SERHL2: variants seen among roughly 807,000 people sequenced by gnomAD.
SERHL2 encodes serine hydrolase-like protein 2.
Under a neutral mutation model 25.5 loss-of-function variants are expected in SERHL2, and 29 were observed. The ratio of observed to expected loss-of-function variants is 1.14; its 90% CI spans 0.85 to 1.55. The LOEUF (loss-of-function observed/expected upper bound fraction) is 1.55, where lower values mean the gene tolerates loss of function less well. SERHL2 is among the 40% of genes most tolerant of loss of function. SERHL2 has a pLI of 0.00. For missense variants in SERHL2, 240 were observed against 252.3 expected (o/e 0.95, Z 0.33); for synonymous variants, 95 against 103.5 (o/e 0.92, Z 0.50).
intron 6 of SERHL2, among the ~76,000 whole-genome samples, chr22:42,556,918 C>A (rs1391058028): frequency 2.9e-5 from 2 of 69,020 alleles, no homozygotes; most frequent in Non-Finnish European, 5.2e-5. Context: ...ACAGCTGGGC[C>A]GGCACACTGC....
rs750428279 is a variant in SERHL2, at chr22:42,565,199, GCA to G, written c.614-1102_614-1101del. 101 of 153,232 alleles carry G rather than the reference GCA, an allele frequency of 6.6e-4. 4 individuals carry two copies. The highest frequency in any genetic ancestry group is 9.7e-4 in the Non-Finnish European group (66 of 68,078). 9.5% of individuals were successfully genotyped at this position (153,232 alleles called of 1,614,324 possible). On this transcript the variant is annotated intron_variant, in intron 8 of 11. Coordinates refer to ENST00000327678, the MANE Select transcript of SERHL2 (RefSeq NM_014509.5). ...GGATGGTCGTCCTCTTCGACCGAGT[GCA>G]CAGTTTCGGGAGGGACGCACATGGA...
chr22:42,565,863 T>C (rs1422161729), intron 8 of SERHL2, among the ~76,000 whole-genome samples: 1 of 151,806 alleles, frequency 6.6e-6, no homozygotes, highest in Non-Finnish European at 1.5e-5. Flanking sequence ...GGTTTTTGTT[T>C]GATTTTTTGA....
At chr22:42,564,585 CCAT>C (rs989278879) in intron 8 of SERHL2, among the ~76,000 whole-genome samples, 90 of 151,802 alleles carry the variant, frequency 5.9e-4, no homozygotes, top group African/African-American at 2.0e-3. Context: ...GTGCCCACCA[CCAT>C]GCCTGGCTAA....
rs544464644 is a variant in SERHL2, at chr22:42,563,608, T to G, written c.614-2696T>G. On this transcript the variant is annotated intron_variant, in intron 8 of 11. Coordinates refer to ENST00000327678, the MANE Select transcript of SERHL2 (RefSeq NM_014509.5). ...AGCTGGACTGCATACAGGTTGCAGA[T>G]AATAATTTGTTTAACTTGTGCAGTT... The G allele has an allele frequency of 3.3e-5, 6 of 179,682 alleles. No individual in the cohort carries two copies. The South Asian group carries it at 4.3e-4, about 13-fold the overall frequency. The allele number at this position is 179,682 out of a possible 1,614,324, so 11.1% of individuals were successfully genotyped here.
At chr22:42,562,666 C>G (rs555964239) in intron 8 of SERHL2, among the ~76,000 whole-genome samples, 1 of 151,846 alleles carries the variant, frequency 6.6e-6, no homozygotes, top group African/African-American at 2.4e-5. Context: ...AGTGAAGGTA[C>G]GGGAGCTGCT....
chr22:42,560,639 C>G (rs1316127600), intron 8 of SERHL2, among the ~76,000 whole-genome samples: 2 of 151,958 alleles, frequency 1.3e-5, no homozygotes, highest in African/African-American at 2.4e-5. Flanking sequence ...AGAGGCTTTT[C>G]ACAATGGAGA....
chr22:42,566,724 A>AGCTCGGT, intron 9 of SERHL2, among the ~76,000 whole-genome samples: 1 of 152,200 alleles, frequency 6.6e-6, no homozygotes, highest in East Asian at 1.9e-4. Context: ...GCTCGAAGTC[A>AGCTCGGT]GCTCGGTGCA....
chr22:42,567,345 CTTTTT>C (rs898384975), intron 9 of SERHL2, among the ~76,000 whole-genome samples: 2 of 150,276 alleles, frequency 1.3e-5, no homozygotes, highest in African/African-American at 5.0e-5. Flanking sequence ...ATTTTCTTTT[CTTTTT>C]TTCTTTTTTG....
intron 10 of SERHL2, chr22:42,571,582 G>T (rs939799920): frequency 1.8e-6 from 1 of 552,856 alleles, no homozygotes; most frequent in Non-Finnish European, 2.4e-6. Context: ...CCCGCCACCA[G>T]GCCTGGCTTA....
intron 10 of SERHL2, among the ~76,000 whole-genome samples, chr22:42,572,141 T>C (rs921928055): frequency 6.6e-6 from 1 of 152,106 alleles, no homozygotes; most frequent in Non-Finnish European, 1.5e-5. Context: ...CTCCAGCGCC[T>C]GTTCAGATCC....
intron 8 of SERHL2, among the ~76,000 whole-genome samples, chr22:42,561,918 A>G (rs1338039329): frequency 6.6e-6 from 1 of 151,838 alleles, no homozygotes; most frequent in East Asian, 1.9e-4. Flanking sequence ...CCCCAGGCAC[A>G]GAAGTGAGCT....
intron 1 of SERHL2, among the ~76,000 whole-genome samples, 181 bp downstream of exon 1, chr22:42,554,223 C>G (rs894150355): frequency 2.0e-5 from 3 of 152,158 alleles, no homozygotes; most frequent in African/African-American, 7.2e-5. Context: ...GGACCCGGGA[C>G]ACGGCCGCAC....
chr22:42,567,721 T>TTTTTTATTA (rs1556001031), intron 9 of SERHL2, among the ~76,000 whole-genome samples: 8 of 132,012 alleles, frequency 6.1e-5, no homozygotes, highest in African/African-American at 2.0e-4. Flanking sequence ...TTTCTTTAAT[T>TTTTTTATTA]TTATTATTAT....
At chr22:42,560,935 G>A (rs547568212) in intron 8 of SERHL2, among the ~76,000 whole-genome samples, 6 of 151,776 alleles carry the variant, frequency 4.0e-5, no homozygotes, top group South Asian at 2.1e-4. Context: ...CTACAGGCCC[G>A]GCTCAGTGAG....
intron 8 of SERHL2, among the ~76,000 whole-genome samples, chr22:42,561,440 AAAGTGCTG>A (rs1392880474): frequency 1.4e-5 from 2 of 147,722 alleles, no homozygotes; most frequent in Non-Finnish European, 3.0e-5. Context: ...TTCCCTTTAT[AAAGTGCTG>A]AGTGAGGCAG....
intron 11 of SERHL2, chr22:42,572,837 A>G: frequency 2.2e-6 from 1 of 451,200 alleles, no homozygotes; most frequent in Non-Finnish European, 2.9e-6. Context: ...GCTAATTTTT[A>G]TATTTTATAT....
At chr22:42,568,763 A>C (rs1262597548) in intron 9 of SERHL2, among the ~76,000 whole-genome samples, 1 of 151,974 alleles carries the variant, frequency 6.6e-6, no homozygotes, top group African/African-American at 2.4e-5. Context: ...CCAGGAGTTA[A>C]AGACCAGCCT....
intron 11 of SERHL2, 94 bp downstream of exon 11, chr22:42,572,623 G>C: frequency 6.6e-7 from 1 of 1,521,646 alleles, no homozygotes; most frequent in Non-Finnish European, 8.9e-7. Context: ...AAGACCCTGG[G>C]TCTGCCCCCA....
At chr22:42,559,902 C>G (rs540543435) in intron 7 of SERHL2, among the ~76,000 whole-genome samples, 2 of 151,982 alleles carry the variant, frequency 1.3e-5, no homozygotes, top group South Asian at 4.1e-4. Context: ...ACCTCTGCCT[C>G]CTGGGTTCAA....
Sources: gnomAD v4.1 joint callset for allele counts (sites outside exome capture counted in the v4.1 genomes callset) on GRCh38, gnomAD v4.1.1 for gene constraint, MANE v1.5 for transcripts, NCBI Gene and HGNC (gene_info 2026-07-23, HGNC 2026-07-21) for gene names.